CDH13: variants seen among roughly 807,000 people sequenced by gnomAD.
The protein encoded by CDH13 is cadherin 13.
In CDH13, 24 loss-of-function variants were observed where a neutral mutation model predicts 63.8. That is an observed-to-expected ratio of 0.38 (90% CI 0.27 to 0.53). The LOEUF (loss-of-function observed/expected upper bound fraction) is 0.53. CDH13 is among the 20% of genes least tolerant of loss of function. The pLI is 0.85. For missense variants in CDH13, 1,049 were observed against 903.1 expected, an observed-to-expected ratio of 1.16 and a Z score of -2.07; for synonymous variants, 503 against 355.3, an observed-to-expected ratio of 1.42 and a Z score of -4.67.
At chr16:83,444,349 A>C (rs573908521) in intron 6 of CDH13, among the ~76,000 whole-genome samples, 1 of 152,352 alleles carries the variant, frequency 6.6e-6, no homozygotes, top group East Asian at 1.9e-4. Context: ...GCACCATCAC[A>C]TGAAGTACAT....
At chr16:82,680,041 G>T (rs1444225657) in intron 1 of CDH13, among the ~76,000 whole-genome samples, 1 of 152,152 alleles carries the variant, frequency 6.6e-6, no homozygotes, top group Admixed American at 6.5e-5. Flanking sequence ...GGATCTATGG[G>T]GAATTTGCTT....
chr16:83,014,243 T>A (rs950346317), intron 2 of CDH13, among the ~76,000 whole-genome samples: 1 of 142,564 alleles, frequency 7.0e-6, no homozygotes, highest in Non-Finnish European at 1.5e-5. Context: ...CTTCCAACCA[T>A]CAGATTGGCC....
At chr16:82,729,274 C>G (rs1046675737) in intron 1 of CDH13, among the ~76,000 whole-genome samples, 1 of 152,076 alleles carries the variant, frequency 6.6e-6, no homozygotes, top group African/African-American at 2.4e-5. Flanking sequence ...CACTTTGCCC[C>G]GATCCATCAG....
chr16:83,205,936 G>A (rs1445687934), intron 4 of CDH13, among the ~76,000 whole-genome samples: 1 of 152,100 alleles, frequency 6.6e-6, no homozygotes, highest in Non-Finnish European at 1.5e-5. Flanking sequence ...TCATGAGAGA[G>A]AAACTGACCA....
intron 7 of CDH13, among the ~76,000 whole-genome samples, chr16:83,497,088 T>TG (rs1189676923): frequency 6.6e-6 from 1 of 152,188 alleles, no homozygotes; most frequent in Non-Finnish European, 1.5e-5. Flanking sequence ...TCAACCATTG[T>TG]GGAAGTCAGT....
intron 6 of CDH13, among the ~76,000 whole-genome samples, chr16:83,481,926 G>C (rs74381271): frequency 0.12 from 18,112 of 152,212 alleles, 1,423 homozygotes; most frequent in South Asian, 0.23. Flanking sequence ...ATGGAGTCCA[G>C]TGTGTGGGAC....
At chr16:82,652,620 A>G (rs1663168159) in intron 1 of CDH13, among the ~76,000 whole-genome samples, 1 of 142,066 alleles carries the variant, frequency 7.0e-6, no homozygotes, top group South Asian at 2.2e-4. Flanking sequence ...ATCTAGAAAG[A>G]TATTGGAAGC....
At chr16:83,180,877 A>C in intron 4 of CDH13, 22 of 1,528,266 alleles carry the variant, frequency 1.4e-5, no homozygotes, top group Non-Finnish European at 1.9e-5. Flanking sequence ...CAGAGAACCC[A>C]CAATCCTATT....
At chr16:83,151,575 G>T (rs2036982609) in intron 4 of CDH13, among the ~76,000 whole-genome samples, 1 of 152,132 alleles carries the variant, frequency 6.6e-6, no homozygotes, top group Non-Finnish European at 1.5e-5. Flanking sequence ...GAGAGTATTT[G>T]CTAAGAGGTG....
intron 4 of CDH13, among the ~76,000 whole-genome samples, chr16:83,215,037 C>A (rs2039454769): frequency 7.8e-6 from 1 of 128,342 alleles, no homozygotes; most frequent in African/African-American, 2.9e-5. Flanking sequence ...CAAGCAATGA[C>A]TGAAAATTAT....
chr16:83,477,067 A>G (rs2073625139), intron 6 of CDH13, among the ~76,000 whole-genome samples: 1 of 152,246 alleles, frequency 6.6e-6, no homozygotes, highest in Non-Finnish European at 1.5e-5. Flanking sequence ...GTGTCACCTA[A>G]TATGTCATAA....
chr16:82,849,100 A>G (rs1264334243), intron 1 of CDH13, among the ~76,000 whole-genome samples: 9 of 152,206 alleles, frequency 5.9e-5, no homozygotes, highest in Non-Finnish European at 1.3e-4. Flanking sequence ...CCTTAACTCT[A>G]TTCAATTTTC....
intron 7 of CDH13, among the ~76,000 whole-genome samples, chr16:83,576,012 C>T (rs74249552): frequency 0.14 from 20,801 of 152,216 alleles, 1,512 homozygotes; most frequent in Non-Finnish European, 0.16. Flanking sequence ...GTAAAATTCA[C>T]ATAACATGAA....
At chr16:83,372,558 C>G (rs534770192) in intron 6 of CDH13, among the ~76,000 whole-genome samples, 1 of 151,888 alleles carries the variant, frequency 6.6e-6, no homozygotes, top group Admixed American at 6.6e-5. Flanking sequence ...TTGAGACCAT[C>G]CTGGCCAACA....
intron 6 of CDH13, among the ~76,000 whole-genome samples, chr16:83,432,285 C>G (rs1016322244): frequency 6.6e-6 from 1 of 152,194 alleles, no homozygotes; most frequent in African/African-American, 2.4e-5. Context: ...CGAGGAGTAT[C>G]AGTAGCTGCA....
intron 2 of CDH13, among the ~76,000 whole-genome samples, chr16:82,996,522 G>A (rs1307842337): frequency 6.6e-6 from 1 of 151,902 alleles, no homozygotes; most frequent in African/African-American, 2.4e-5. Context: ...GCACTCTTTG[G>A]ATTTGCTGCA....
At chr16:83,412,475 A>G (rs991038752) in intron 6 of CDH13, among the ~76,000 whole-genome samples, 2 of 152,200 alleles carry the variant, frequency 1.3e-5, no homozygotes, top group African/African-American at 4.8e-5. Flanking sequence ...AAATAAAAAT[A>G]AAAATGAATA....
chr16:83,086,035 G>T (rs940650751), intron 3 of CDH13, among the ~76,000 whole-genome samples: 2 of 152,132 alleles, frequency 1.3e-5, no homozygotes, highest in Non-Finnish European at 2.9e-5. Flanking sequence ...CAGGTGTACT[G>T]GCTGCTCCAA....
chr16:82,628,149 AG>A (rs1907578248), intron 1 of CDH13, among the ~76,000 whole-genome samples: 1 of 152,202 alleles, frequency 6.6e-6, no homozygotes, highest in South Asian at 2.1e-4. Context: ...TGCGCTGCTC[AG>A]GGGCCTGTGG....
Sources: gnomAD v4.1 joint callset for allele counts (sites outside exome capture counted in the v4.1 genomes callset) on GRCh38, gnomAD v4.1.1 for gene constraint, MANE v1.5 for transcripts, NCBI Gene and HGNC (gene_info 2026-07-23, HGNC 2026-07-21) for gene names.